CLSTN2: variants seen among roughly 807,000 people sequenced by gnomAD.
CLSTN2 encodes the protein calsyntenin 2.
A neutral mutation model predicts 101.2 loss-of-function variants in CLSTN2; 48 were observed. The observed-to-expected ratio is 0.47, with a 90% CI of 0.38 to 0.60. The LOEUF (loss-of-function observed/expected upper bound fraction) is 0.60, where lower values mean the gene tolerates loss of function less well. CLSTN2 is among the 20% of genes least tolerant of loss of function. CLSTN2 has a pLI of 0.00. For missense variants in CLSTN2, 1,160 were observed against 1,238.2 expected, an observed-to-expected ratio of 0.94 and a Z score of 0.95; for synonymous variants, 481 against 463.6, an observed-to-expected ratio of 1.04 and a Z score of -0.48.
At chr3:140,354,571 T>G (rs962094027) in intron 2 of CLSTN2, among the ~76,000 whole-genome samples, 2 of 152,112 alleles carry the variant, frequency 1.3e-5, no homozygotes, top group African/African-American at 4.8e-5. Flanking sequence ...CCAACTCCCC[T>G]CCATAGGCAT....
In CLSTN2 at chr3:140,127,344, G is replaced by C. The variant is rs182125533; in HGVS notation, c.110-48607G>C. 6.3e-4 allele frequency among the ~76,000 whole-genome samples: 96 copies of C among 152,314 alleles called. No individual in the cohort carries two copies. In the East Asian group the frequency reaches 0.015, roughly 24 times the overall value. ...ATGACAATGGTAGAATTGTCATGAG[G>C]CTTAGCTGATAAATAATGGCTATAA... is the stretch of plus-strand genomic sequence containing the variant. On this transcript the variant is annotated intron_variant, in intron 1 of 16. Coordinates refer to ENST00000458420, the MANE Select transcript of CLSTN2 (RefSeq NM_022131.3).
intron 9 of CLSTN2, among the ~76,000 whole-genome samples, chr3:140,532,760 T>C (rs1409808810): frequency 6.6e-6 from 1 of 152,222 alleles, no homozygotes; most frequent in African/African-American, 2.4e-5. Context: ...TATTTTGAAG[T>C]CTTATTCATT....
intron 1 of CLSTN2, among the ~76,000 whole-genome samples, chr3:139,940,197 G>A (rs759361083): frequency 6.6e-6 from 1 of 152,170 alleles, no homozygotes; most frequent in South Asian, 2.1e-4. Flanking sequence ...GATTTGCTTG[G>A]TGAACACACC....
chr3:139,948,787 T>C (rs548194100), intron 1 of CLSTN2, among the ~76,000 whole-genome samples: 1 of 152,354 alleles, frequency 6.6e-6, no homozygotes, highest in Admixed American at 6.5e-5. Flanking sequence ...AAATTCCTCA[T>C]GTGACTTCAC....
At chr3:140,521,048 A>ATTTTTTTTTTTTTTTTTTTTTTTTTT (rs57840726) in intron 8 of CLSTN2, among the ~76,000 whole-genome samples, 1 of 125,492 alleles carries the variant, frequency 8.0e-6, no homozygotes. Flanking sequence ...GCTTTTTTGC[A>ATTTTTTTTTTTTTTTTTTTTTTTTTT]TTTTTTTTTT....
chr3:140,494,685 G>A (rs552149848), intron 8 of CLSTN2, among the ~76,000 whole-genome samples: 1 of 152,106 alleles, frequency 6.6e-6, no homozygotes, highest in Admixed American at 6.6e-5. Flanking sequence ...TCGTCATTCA[G>A]CTCTGACTTA....
At position 140,459,850 on chromosome 3, in the gene CLSTN2, G is replaced by C. The variant is rs1933517309; in HGVS notation, c.1222+81G>C. 3 of 1,488,926 alleles carry C rather than the reference G, an allele frequency of 2.0e-6. No individual in the cohort carries two copies. The African/African-American group carries it at 4.1e-5, about 21-fold the overall frequency. 92.2% of individuals were successfully genotyped at this position (1,488,926 alleles called of 1,614,324 possible). ...TCACAGGTGGCTGGACATGGACACAGCCAAGGAGGATGTGGAAGAAAAGCA... is the reference window on the plus strand; with the variant it reads ...TCACAGGTGGCTGGACATGGACACACCCAAGGAGGATGTGGAAGAAAAGCA... On this transcript the variant is annotated intron_variant, in intron 7 of 16. Coordinates refer to ENST00000458420, the MANE Select transcript of CLSTN2 (RefSeq NM_022131.3).
chr3:140,048,453 G>A (rs1347850992), intron 1 of CLSTN2, among the ~76,000 whole-genome samples: 1 of 152,140 alleles, frequency 6.6e-6, no homozygotes, highest in Non-Finnish European at 1.5e-5. Flanking sequence ...CCACCTTCTT[G>A]CTAACAGCAA....
At chr3:140,000,570 TAAC>T in intron 1 of CLSTN2, among the ~76,000 whole-genome samples, 1 of 152,210 alleles carries the variant, frequency 6.6e-6, no homozygotes. Context: ...GATGAGGACT[TAAC>T]AAAGTGTCAG....
At chr3:140,373,489 GCTGT>G (rs1301512906) in intron 2 of CLSTN2, among the ~76,000 whole-genome samples, 5 of 152,202 alleles carry the variant, frequency 3.3e-5, no homozygotes, top group Non-Finnish European at 7.3e-5. Flanking sequence ...TCTGTGATGT[GCTGT>G]CTATTATATT....
At chr3:139,938,939 CT>C (rs562016438) in intron 1 of CLSTN2, among the ~76,000 whole-genome samples, 5,377 of 149,054 alleles carry the variant, frequency 0.036, 101 homozygotes, top group African/African-American at 0.041. Flanking sequence ...CCCTACCTTT[CT>C]TTTTTTTTTA....
chr3:140,004,630 A>T (rs186783084), intron 1 of CLSTN2, among the ~76,000 whole-genome samples: 23 of 152,340 alleles, frequency 1.5e-4, no homozygotes, highest in Non-Finnish European at 2.6e-4. Context: ...GGAGATTTTC[A>T]TCAGGGAGCC....
intron 1 of CLSTN2, among the ~76,000 whole-genome samples, chr3:140,098,335 A>G (rs1243795910): frequency 6.6e-6 from 1 of 152,220 alleles, no homozygotes; most frequent in African/African-American, 2.4e-5. Flanking sequence ...AGATGGTACA[A>G]TCTGCAAAGT....
intron 1 of CLSTN2, among the ~76,000 whole-genome samples, chr3:140,061,056 C>T (rs1233507081): frequency 6.6e-6 from 1 of 152,158 alleles, no homozygotes; most frequent in African/African-American, 2.4e-5. Flanking sequence ...ACTTACTCAG[C>T]CTAGGGGCCA....
chr3:140,462,620 C>T (rs1933589636), intron 7 of CLSTN2: 1 of 152,166 alleles, frequency 6.6e-6, no homozygotes, highest in African/African-American at 2.4e-5. Context: ...ATTGACTAGT[C>T]AGCAAAGGCT....
At position 140,171,637 on chromosome 3, in the gene CLSTN2, A is replaced by G. The variant is rs1017159711; in HGVS notation, c.110-4314A>G. ...ATATATTATATAATATGTATTATATATTATATATAATACGTATTATATATT... is the reference window on the plus strand; with the variant it reads ...ATATATTATATAATATGTATTATATGTTATATATAATACGTATTATATATT... On this transcript the variant is annotated intron_variant, in intron 1 of 16. Transcript: ENST00000458420. Among the ~76,000 whole-genome samples the G allele has an allele frequency of 1.4e-4, 17 of 118,754 alleles. 1 individual carries two copies. Among genetic ancestry groups the G allele is most frequent in the African/African-American group, 5.6e-4 (17 of 30,128 alleles). The allele number at this position is 118,754 out of a possible 152,430, so 77.9% of individuals were successfully genotyped here.
At chr3:140,052,411 C>A (rs1291046287) in intron 1 of CLSTN2, among the ~76,000 whole-genome samples, 1 of 152,174 alleles carries the variant, frequency 6.6e-6, no homozygotes, top group Non-Finnish European at 1.5e-5. Flanking sequence ...CTGCCTCGGC[C>A]TCCCAAAGTG....
chr3:140,358,614 G>A (rs1208132788), intron 2 of CLSTN2, among the ~76,000 whole-genome samples: 1 of 152,084 alleles, frequency 6.6e-6, no homozygotes, highest in African/African-American at 2.4e-5. Context: ...CACAGACCTA[G>A]AAGGGACCCA....
intron 2 of CLSTN2, among the ~76,000 whole-genome samples, chr3:140,376,093 T>A (rs998939480): frequency 2.0e-5 from 3 of 152,246 alleles, no homozygotes; most frequent in Non-Finnish European, 4.4e-5. Flanking sequence ...CTGCTCCATG[T>A]GCTCTCTCCA....
Sources: gnomAD v4.1 joint callset for allele counts (sites outside exome capture counted in the v4.1 genomes callset) on GRCh38, gnomAD v4.1.1 for gene constraint, MANE v1.5 for transcripts, NCBI Gene and HGNC (gene_info 2026-07-23, HGNC 2026-07-21) for gene names.